FBLIM1: variants seen among roughly 807,000 people sequenced by gnomAD.
The protein encoded by FBLIM1 is filamin-binding LIM protein 1.
In FBLIM1, 29 loss-of-function variants were observed where a neutral mutation model predicts 37.4. That is an observed-to-expected ratio of 0.77 (90% CI 0.58 to 1.06). FBLIM1 has a LOEUF of 1.06. Ranked by LOEUF, FBLIM1 falls within the 50% of genes least tolerant of loss-of-function variation. The pLI is 0.00. For missense variants in FBLIM1, 449 were observed against 505.6 expected (o/e 0.89, Z 1.07); for synonymous variants, 193 against 199.0 (o/e 0.97, Z 0.25).
chr1:15,778,550 T>C (rs1301763484), intron 8 of FBLIM1, among the ~76,000 whole-genome samples: 4 of 151,846 alleles, frequency 2.6e-5, no homozygotes, highest in African/African-American at 4.8e-5. Context: ...CAGATATTCA[T>C]AGAGGGGAGA....
intron 1 of FBLIM1, among the ~76,000 whole-genome samples, chr1:15,760,855 G>A (rs2068642092): frequency 6.6e-6 from 1 of 152,124 alleles, no homozygotes; most frequent in South Asian, 2.1e-4. Flanking sequence ...CAGCTGACTG[G>A]GAGATGGCCC....
Position 15,765,314 on chromosome 1 carries a change from T to A in FBLIM1, c.250+81T>A. Reference sequence around the variant, plus strand: ...AAGGGCAGGCTCCAGCGTCATTCATTCATTCATTATTCATCCTGACAAAAT... The same window carrying A: ...AAGGGCAGGCTCCAGCGTCATTCATACATTCATTATTCATCCTGACAAAAT... On this transcript the variant is annotated intron_variant, in intron 3 of 8. Coordinates refer to ENST00000375766, the MANE Select transcript of FBLIM1 (RefSeq NM_017556.4). The surrounding 1 kb of genome is among the most constrained non-coding windows in gnomAD (Gnocchi z 5.9). The A allele has an allele frequency of 6.7e-7, 1 of 1,492,744 alleles. No homozygotes were observed. 92.5% of individuals were successfully genotyped at this position (1,492,744 alleles called of 1,614,324 possible). A position where few individuals can be genotyped will look rare whatever the true frequency, so the allele number is the denominator to read the frequency against.
At chr1:15,767,126 C>A (rs1177043321) in intron 3 of FBLIM1, among the ~76,000 whole-genome samples, 1 of 151,950 alleles carries the variant, frequency 6.6e-6, no homozygotes, top group Non-Finnish European at 1.5e-5. Context: ...CTTCTGGGTT[C>A]AAGCGAACTG....
chr1:15,781,150 G>A (rs2069624382), intron 8 of FBLIM1, among the ~76,000 whole-genome samples: 1 of 152,044 alleles, frequency 6.6e-6, no homozygotes, highest in Non-Finnish European at 1.5e-5. Flanking sequence ...AGGCGGTCAA[G>A]AGATGGAGAC....
upstream of FBLIM1, among the ~76,000 whole-genome samples, chr1:15,757,144 CA>C (rs2068461967): frequency 6.6e-6 from 1 of 152,196 alleles, no homozygotes; most frequent in African/African-American, 2.4e-5. This position sits in a 1 kb window ranked among gnomAD's most constrained non-coding sequence, Gnocchi z 4.1. Flanking sequence ...ATGAGCCGAG[CA>C]GGGACTCAGA....
At chr1:15,768,935 T>C (rs2069063948) in intron 5 of FBLIM1, among the ~76,000 whole-genome samples, 1 of 152,182 alleles carries the variant, frequency 6.6e-6, no homozygotes, top group Non-Finnish European at 1.5e-5. Context: ...ATAAACAGCA[T>C]GAGTGGGGAC....
chr1:15,758,934 G>A lies in FBLIM1; in HGVS notation c.-211+86G>A, dbSNP rs2068528091. ...TGACAGCGCCGGCAGTGCTCGGCCG[G>A]AGCCTGCTCGGTCGCCAGCCGGGAC... On this transcript the variant is annotated intron_variant, in intron 1 of 8. Transcript: ENST00000375766. This position sits in a 1 kb window ranked among gnomAD's most constrained non-coding sequence, Gnocchi z 6.2. 1 of 152,144 alleles carries A rather than the reference G, an allele frequency of 6.6e-6. No homozygotes were observed. Among genetic ancestry groups the A allele is most frequent in the Non-Finnish European group, 1.5e-5 (1 of 68,058 alleles). The allele number at this position is 152,144 out of a possible 1,614,324, so 9.4% of individuals were successfully genotyped here. A position where few individuals can be genotyped will look rare whatever the true frequency, so the allele number is the denominator to read the frequency against.
chr1:15,758,943 C>G lies in FBLIM1; in HGVS notation c.-211+95C>G, dbSNP rs1232980445. 1 of 152,182 alleles carries G rather than the reference C, an allele frequency of 6.6e-6. No homozygotes were observed. Among genetic ancestry groups the G allele is most frequent in the African/African-American group, 2.4e-5 (1 of 41,428 alleles). 9.4% of individuals were successfully genotyped at this position (152,182 alleles called of 1,614,324 possible). ...CGGCAGTGCTCGGCCGGAGCCTGCT[C>G]GGTCGCCAGCCGGGACCCCCGGCGC... On this transcript the variant is annotated intron_variant, in intron 1 of 8. Coordinates refer to ENST00000375766, the MANE Select transcript of FBLIM1 (RefSeq NM_017556.4). This position sits in a 1 kb window ranked among gnomAD's most constrained non-coding sequence, Gnocchi z 6.2.
Position 15,765,143 on chromosome 1 carries a change from G to C in FBLIM1, c.160G>C (p.Ala54Pro), listed in dbSNP as rs774300057. 5 of 1,613,876 alleles carry C rather than the reference G, an allele frequency of 3.1e-6. No individual in the cohort carries two copies. Among genetic ancestry groups the C allele is most frequent in the South Asian group, 1.1e-5 (1 of 91,078 alleles). Residue 54 changes from alanine (A) to proline (P), a missense_variant, in exon 3 of 9, where the codon GCT becomes CCT. Coordinates refer to ENST00000375766, the MANE Select transcript of FBLIM1 (RefSeq NM_017556.4). The surrounding 1 kb of genome is among the most constrained non-coding windows in gnomAD (Gnocchi z 5.9). Reference sequence around the variant, plus strand: ...TCCTGCCCCCATGAAGACACCCGAGGCTGGCTTGGCGGGGAGGCCCAGCCC... The same window carrying C: ...TCCTGCCCCCATGAAGACACCCGAGCCTGGCTTGGCGGGGAGGCCCAGCCC... The part of the protein sequence containing the change: ...EAPAPMKTPE[A>P]GLAGRPSPWT...
rs1390517443 is a variant in FBLIM1 at position 15,777,260 on chromosome 1, C to T, written c.981C>T (p.Asn327=). The change falls in exon 8 of 9, where the codon AAC becomes AAT. Residue 327 remains asparagine (N), a synonymous_variant. Coordinates refer to ENST00000375766, the MANE Select transcript of FBLIM1 (RefSeq NM_017556.4). ...TCAAAATCGAATGCATGGGAAGAAACTTCCATGAAAATTGCTACAGGTGTG... is the reference window on the plus strand; with the variant it reads ...TCAAAATCGAATGCATGGGAAGAAATTTCCATGAAAATTGCTACAGGTGTG... ...DAFKIECMGR[N]FHENCYRCED... is the part of the protein sequence containing the mutation. 5 of 1,613,128 alleles carry T rather than the reference C, an allele frequency of 3.1e-6. No individual in the cohort carries two copies. The highest frequency in any genetic ancestry group is 4.2e-6 in the Non-Finnish European group (5 of 1,179,192).
intron 8 of FBLIM1, among the ~76,000 whole-genome samples, chr1:15,780,326 G>C (rs2069603960): frequency 6.6e-6 from 1 of 152,152 alleles, no homozygotes; most frequent in South Asian, 2.1e-4. Flanking sequence ...AGCCTCCTGA[G>C]TAGCTGGAAT....
chr1:15,778,689 G>A (rs2069559461), intron 8 of FBLIM1, among the ~76,000 whole-genome samples: 1 of 151,988 alleles, frequency 6.6e-6, no homozygotes, highest in South Asian at 2.1e-4. Flanking sequence ...TACCCAGGCT[G>A]GAGTGCAATG....
chr1:15,779,978 C>T (rs1384960672), intron 8 of FBLIM1, among the ~76,000 whole-genome samples: 1 of 152,052 alleles, frequency 6.6e-6, no homozygotes, highest in Non-Finnish European at 1.5e-5. Flanking sequence ...CTTTTGGGCT[C>T]AAGCAGTTCT....
At chr1:15,767,131 G>A (rs1199074801) in intron 3 of FBLIM1, among the ~76,000 whole-genome samples, 6 of 151,866 alleles carry the variant, frequency 4.0e-5, no homozygotes, top group Non-Finnish European at 8.8e-5. Context: ...GGGTTCAAGC[G>A]AACTGCCTAC....
chr1:15,769,432 G>A (rs1487703262), intron 5 of FBLIM1, among the ~76,000 whole-genome samples: 1 of 151,602 alleles, frequency 6.6e-6, no homozygotes, highest in African/African-American at 2.4e-5. Context: ...AGCTGAGATT[G>A]CGCCACTGCT....
chr1:15,779,255 G>A (rs2069575600), intron 8 of FBLIM1, among the ~76,000 whole-genome samples: 1 of 151,260 alleles, frequency 6.6e-6, no homozygotes, highest in African/African-American at 2.4e-5. Context: ...TCTTTTGAAT[G>A]TTACTTTTTC....
chr1:15,761,167 C>G (rs1291406289), intron 1 of FBLIM1, among the ~76,000 whole-genome samples: 1 of 152,204 alleles, frequency 6.6e-6, no homozygotes, highest in African/African-American at 2.4e-5. Flanking sequence ...CCCACAGCAG[C>G]CCCTGGGGAC....
At chr1:15,773,484 G>T (rs1469652040) in intron 6 of FBLIM1, among the ~76,000 whole-genome samples, 4 of 151,532 alleles carry the variant, frequency 2.6e-5, no homozygotes, top group Non-Finnish European at 5.9e-5. Context: ...TTCGAGACCA[G>T]CCTGACCAAC....
intron 1 of FBLIM1, among the ~76,000 whole-genome samples, chr1:15,761,409 G>A (rs191713081): frequency 3.4e-4 from 52 of 152,310 alleles, no homozygotes; most frequent in Admixed American, 7.8e-4. Flanking sequence ...GGGCAGGATG[G>A]GCATTTCTTG....
Sources: gnomAD v4.1 joint callset for allele counts (sites outside exome capture counted in the v4.1 genomes callset) on GRCh38, gnomAD v4.1.1 for gene constraint, Gnocchi (gnomAD v3.1) non-coding constraint, MANE v1.5 for transcripts, NCBI Gene and HGNC (gene_info 2026-07-23, HGNC 2026-07-21) for gene names.